Variants in MYO16 observed in about 807,000 individuals in gnomAD.
MYO16 encodes myosin XVI.
MYO16 carries 94 observed loss-of-function variants against 205.3 expected under a neutral mutation model. That is an observed-to-expected ratio of 0.46 (90% CI 0.39 to 0.54). MYO16 has a LOEUF of 0.54. Among genes scored for constraint, MYO16 ranks in the 20% least tolerant of loss-of-function variants. The pLI is 0.00. For missense variants in MYO16, 2,315 were observed against 2,387.5 expected, an observed-to-expected ratio of 0.97 and a Z score of 0.63; for synonymous variants, 988 against 954.0, an observed-to-expected ratio of 1.04 and a Z score of -0.66.
Position 108,807,238 on chromosome 13 carries a change from G to A in MYO16, c.867+434G>A, listed in dbSNP as rs188819649. On this transcript the variant is annotated intron_variant, in intron 7 of 34. Transcript: ENST00000457511. ...TGTGTTCATTTCAGAACATTACTTTGGGGTAACAATCACATCTAGTAAATT... is the reference window on the plus strand; with the variant it reads ...TGTGTTCATTTCAGAACATTACTTTAGGGTAACAATCACATCTAGTAAATT... Among the ~76,000 whole-genome samples the A allele has an allele frequency of 2.9e-3, 436 of 152,134 alleles. 7 individuals carry two copies. Among genetic ancestry groups the A allele is most frequent in the Non-Finnish European group, 3.6e-3 (243 of 68,000 alleles).
intron 29 of MYO16, among the ~76,000 whole-genome samples, chr13:109,122,262 G>T (rs1876025314): frequency 6.6e-6 from 1 of 152,062 alleles, no homozygotes; most frequent in Non-Finnish European, 1.5e-5. Flanking sequence ...AAGAAATTTT[G>T]CCCCATTAGA....
chr13:108,672,280 T>G (rs191455173), intron 2 of MYO16, among the ~76,000 whole-genome samples: 1 of 152,300 alleles, frequency 6.6e-6, no homozygotes, highest in East Asian at 1.9e-4. Context: ...GCTATTGAAA[T>G]AGTCAAATGC....
intron 20 of MYO16, among the ~76,000 whole-genome samples, chr13:108,976,392 T>G (rs926841699): frequency 1.3e-5 from 2 of 152,196 alleles, no homozygotes; most frequent in African/African-American, 4.8e-5. Context: ...AACTTGCTTC[T>G]GAAGCAGGGA....
At chr13:108,714,041 T>G (rs1484880042) in intron 3 of MYO16, among the ~76,000 whole-genome samples, 1 of 152,052 alleles carries the variant, frequency 6.6e-6, no homozygotes, top group Non-Finnish European at 1.5e-5. Context: ...ATCGTAAGCC[T>G]GTTTTTTTGT....
rs1357536855 is a variant in MYO16, at chr13:108,793,607, T to C, written c.708T>C (p.Asn236=). Residue 236 remains asparagine, a synonymous_variant, in exon 6 of 35, where the codon AAT becomes AAC. Transcript: ENST00000457511. ...DVKHFLSSGG[N]VNEKNDEGVT... is the part of the protein sequence containing the mutation. ...AACACTTCTTATCATCTGGAGGAAA[T>C]GTCAATGAGAAAAACGATGAAGGAG... 1.2e-6 allele frequency: 2 copies of C among 1,613,820 alleles called. No homozygotes were observed. Among genetic ancestry groups the C allele is most frequent in the Admixed American group, 3.3e-5 (2 of 60,008 alleles).
intron 27 of MYO16, among the ~76,000 whole-genome samples, chr13:109,081,308 C>T (rs757690878): frequency 6.6e-6 from 1 of 151,962 alleles, no homozygotes; most frequent in Non-Finnish European, 1.5e-5. Flanking sequence ...TATTTATTGC[C>T]AAAATGTTCT....
At chr13:109,085,702 C>A (rs1888418533) in intron 27 of MYO16, among the ~76,000 whole-genome samples, 1 of 152,100 alleles carries the variant, frequency 6.6e-6, no homozygotes, top group South Asian at 2.1e-4. Context: ...CTGGGAGAGC[C>A]AAGAAGCAGA....
At chr13:108,678,309 C>G (rs1391508706) in intron 2 of MYO16, among the ~76,000 whole-genome samples, 1 of 152,188 alleles carries the variant, frequency 6.6e-6, no homozygotes, top group African/African-American at 2.4e-5. Context: ...CTGACCTTCT[C>G]AAGATCATTA....
chr13:108,886,092 A>G (rs2139174497), intron 13 of MYO16, among the ~76,000 whole-genome samples: 1 of 151,906 alleles, frequency 6.6e-6, no homozygotes, highest in African/African-American at 2.4e-5. Flanking sequence ...GGTTGACGTC[A>G]TTCTCCTGCC....
intron 32 of MYO16, among the ~76,000 whole-genome samples, chr13:109,155,348 A>AT (rs1486843774): frequency 6.6e-6 from 1 of 152,150 alleles, no homozygotes; most frequent in Non-Finnish European, 1.5e-5. Context: ...TGCTTAAAAC[A>AT]TAAGTTCAAG....
intron 33 of MYO16, among the ~76,000 whole-genome samples, chr13:109,174,791 G>A (rs28510106): frequency 0.16 from 21,041 of 130,232 alleles, 2,235 homozygotes; most frequent in East Asian, 0.55. Flanking sequence ...TTGCTCTGTC[G>A]CCCAGGCTGG....
intron 27 of MYO16, among the ~76,000 whole-genome samples, chr13:109,059,111 G>A (rs772384940): frequency 7.2e-5 from 11 of 152,188 alleles, no homozygotes; most frequent in Non-Finnish European, 1.0e-4. Flanking sequence ...CTCCACTGGC[G>A]TATTGAACCC....
At chr13:108,545,667 T>C in the MYO16 span, among the ~76,000 whole-genome samples, 3 of 152,068 alleles carry the variant, frequency 2.0e-5, no homozygotes, top group Middle Eastern at 3.4e-3. Context: ...CATCTGTTAT[T>C]TTTTTTTACT....
chr13:109,040,145 A>G (rs776307766), intron 23 of MYO16, among the ~76,000 whole-genome samples: 3 of 152,138 alleles, frequency 2.0e-5, no homozygotes, highest in Non-Finnish European at 2.9e-5. Context: ...GACAATTTGA[A>G]TAGCACCATA....
intron 27 of MYO16, among the ~76,000 whole-genome samples, chr13:109,062,813 A>T (rs1887633669): frequency 6.6e-6 from 1 of 152,162 alleles, no homozygotes; most frequent in African/African-American, 2.4e-5. Flanking sequence ...TATAAAAAAC[A>T]AAGCCTTGAG....
At chr13:109,013,460 T>C (rs1885688414) in intron 22 of MYO16, among the ~76,000 whole-genome samples, 2 of 152,336 alleles carry the variant, frequency 1.3e-5, no homozygotes, top group South Asian at 4.1e-4. Context: ...GCATGGTTTA[T>C]AATCCTTTGG....
chr13:108,810,221 TG>T (rs1887245789), intron 7 of MYO16, among the ~76,000 whole-genome samples: 1 of 152,240 alleles, frequency 6.6e-6, no homozygotes, highest in African/African-American at 2.4e-5. Flanking sequence ...GAAGATCGTA[TG>T]TCTTTACTAC....
chr13:108,946,098 G>A (rs1317351686), intron 16 of MYO16, among the ~76,000 whole-genome samples: 1 of 152,028 alleles, frequency 6.6e-6, no homozygotes, highest in East Asian at 1.9e-4. Flanking sequence ...AGTAAGTGGA[G>A]TATTTAAATT....
At chr13:108,787,812 G>T (rs1886503258) in intron 5 of MYO16, among the ~76,000 whole-genome samples, 1 of 152,188 alleles carries the variant, frequency 6.6e-6, no homozygotes, top group Non-Finnish European at 1.5e-5. Flanking sequence ...ATTTGTCACT[G>T]CAGTCGCTCT....
Sources: gnomAD v4.1 joint callset for allele counts (sites outside exome capture counted in the v4.1 genomes callset) on GRCh38, gnomAD v4.1.1 for gene constraint, MANE v1.5 for transcripts, NCBI Gene and HGNC (gene_info 2026-07-23, HGNC 2026-07-21) for gene names.